ZNF445: variants seen among roughly 807,000 people sequenced by gnomAD.
The protein encoded by ZNF445 is zinc finger protein 445, also known as zinc finger protein 168.
In ZNF445, 19 loss-of-function variants were observed where a neutral mutation model predicts 93.9. That is an observed-to-expected ratio of 0.20 (90% confidence interval 0.14 to 0.30). The LOEUF (loss-of-function observed/expected upper bound fraction) is 0.30. Ranked by LOEUF, ZNF445 falls within the 10% of genes least tolerant of loss-of-function variation. ZNF445 has a pLI of 1.00. For synonymous variants in ZNF445, 449 were observed against 446.3 expected, an observed-to-expected ratio of 1.01 and a Z score of -0.08; for missense variants, 1,058 against 1,259.4, an observed-to-expected ratio of 0.84 and a Z score of 2.42.
chr3:44,441,227 T>G lies in ZNF445; in HGVS notation c.*5348A>C, dbSNP rs1348747943. 1 of 152,258 alleles carries G rather than the reference T, an allele frequency of 6.6e-6. No individual in the cohort carries two copies. Among genetic ancestry groups the G allele is most frequent in the Non-Finnish European group, 1.5e-5 (1 of 68,064 alleles). The allele number at this position is 152,258 out of a possible 1,614,324, so 9.4% of individuals were successfully genotyped here. On this transcript the variant is annotated 3_prime_UTR_variant, in exon 8 of 8. Transcript: ENST00000396077. Reference sequence around the variant, plus strand: ...CGTGCCAGGCCTGCCATGGCGTTTGTAAACTGTCATGGCACTGGTGGGAGT... The same window carrying G: ...CGTGCCAGGCCTGCCATGGCGTTTGGAAACTGTCATGGCACTGGTGGGAGT...
Position 44,434,699 on chromosome 3 carries a change from A to C in ZNF445, c.*11876T>G, listed in dbSNP as rs1447269633. 6.6e-6 allele frequency: 1 copy of C among 152,190 alleles called. No individual in the cohort carries two copies. The highest frequency in any genetic ancestry group is 1.5e-5 in the Non-Finnish European group (1 of 68,042). The allele number at this position is 152,190 out of a possible 1,614,324, so 9.4% of individuals were successfully genotyped here. A position where few individuals can be genotyped will look rare whatever the true frequency, so the allele number is the denominator to read the frequency against. ...GGTGAAGGTGTATCTAGCTGAAAGC[A>C]AACTGTTCCTGATGGTCTTTACTCA... On this transcript the variant is annotated 3_prime_UTR_variant, in exon 8 of 8. Transcript: ENST00000396077.
At chr3:44,465,636 G>T (rs993511709) in intron 1 of ZNF445, among the ~76,000 whole-genome samples, 31 of 152,308 alleles carry the variant, frequency 2.0e-4, no homozygotes, top group African/African-American at 7.0e-4. Flanking sequence ...CTTTAGGCTG[G>T]GAGTGGTGGC....
chr3:44,443,353 G>A lies in ZNF445; in HGVS notation c.*3222C>T, dbSNP rs1697835185. 1 of 152,024 alleles carries A rather than the reference G, an allele frequency of 6.6e-6. No homozygotes were observed. Among genetic ancestry groups the A allele is most frequent in the Non-Finnish European group, 1.5e-5 (1 of 68,018 alleles). The allele number at this position is 152,024 out of a possible 1,614,324, so 9.4% of individuals were successfully genotyped here. A position where few individuals can be genotyped will look rare whatever the true frequency, so the allele number is the denominator to read the frequency against. On this transcript the variant is annotated 3_prime_UTR_variant, in exon 8 of 8. Coordinates refer to ENST00000396077, the MANE Select transcript of ZNF445 (RefSeq NM_181489.6). The stretch of plus-strand genomic sequence containing the variant: ...AGTACTTATAGAACTAAAATTATTT[G>A]AAAACTCAGGTTATTGGACAAATAG...
chr3:44,468,120 C>A (rs542061290), intron 1 of ZNF445, among the ~76,000 whole-genome samples: 44 of 152,336 alleles, frequency 2.9e-4, no homozygotes, highest in Non-Finnish European at 5.6e-4. Flanking sequence ...CAAAGCAGTT[C>A]CACTCTTCTC....
Position 44,455,055 on chromosome 3 carries a change from T to A in ZNF445, c.429+66A>T, listed in dbSNP as rs1425334112. The stretch of plus-strand genomic sequence containing the variant: ...TTGACAGTTTAGAGGGCCACCCCCA[T>A]CCCCAGACAAGCTGGCTCACTAGCA... On this transcript the variant is annotated intron_variant, in intron 3 of 7. Coordinates refer to ENST00000396077, the MANE Select transcript of ZNF445 (RefSeq NM_181489.6). The A allele has an allele frequency of 6.3e-6, 10 of 1,598,620 alleles. No individual in the cohort carries two copies. The Admixed American group carries it at 1.5e-4, about 24-fold the overall frequency.
chr3:44,447,452 C>T lies in ZNF445; in HGVS notation c.2219G>A (p.Gly740Glu), dbSNP rs1172248787. 1 of 1,614,038 alleles carries T rather than the reference C, an allele frequency of 6.2e-7. No individual in the cohort carries two copies. ...CACTGTGTCCTGACTAAAAGATGGC[C>T]CGCCCTCAGGTTTTCTTTTCATGGC... ...KHAMKRKPEGGPSFSQDTVFQ... is the reference protein window; with the variant it reads ...KHAMKRKPEGEPSFSQDTVFQ... Residue 740 changes from glycine to glutamate, a missense_variant, in exon 8 of 8, where the codon GGG becomes GAG. By Grantham distance (98) the Gly-to-Glu change is moderately conservative (BLOSUM62 -2). Around this residue, in one of 3 missense-constraint regions of ZNF445, gnomAD observed 387 missense variants for 475.7 expected, o/e 0.81. Coordinates refer to ENST00000396077, the MANE Select transcript of ZNF445 (RefSeq NM_181489.6). The surrounding 1 kb of genome is among the most constrained non-coding windows in gnomAD (Gnocchi z 4.7).
intron 1 of ZNF445, among the ~76,000 whole-genome samples, chr3:44,476,722 T>G (rs146271357): frequency 6.6e-6 from 1 of 152,352 alleles, no homozygotes; most frequent in East Asian, 1.9e-4. Context: ...CGCTGCAGGT[T>G]AGAGCTCTGC....
At position 44,434,462 on chromosome 3, in the gene ZNF445, C is replaced by T. The variant is rs1697635311; in HGVS notation, c.*12113G>A. ...TTTGGAAACATTATTTGCCCTTAGCCATGTTGTGGGTTTATTTCCTACACT... is the reference window on the plus strand; with the variant it reads ...TTTGGAAACATTATTTGCCCTTAGCTATGTTGTGGGTTTATTTCCTACACT... On this transcript the variant is annotated 3_prime_UTR_variant, in exon 8 of 8. Coordinates refer to ENST00000396077, the MANE Select transcript of ZNF445 (RefSeq NM_181489.6). 6.6e-6 allele frequency: 1 copy of T among 151,930 alleles called. No individual in the cohort carries two copies. The highest frequency in any genetic ancestry group is 1.5e-5 in the Non-Finnish European group (1 of 68,002). The allele number at this position is 151,930 out of a possible 1,614,324, so 9.4% of individuals were successfully genotyped here.
chr3:44,468,273 C>G (rs1698220342), intron 1 of ZNF445, among the ~76,000 whole-genome samples: 1 of 152,146 alleles, frequency 6.6e-6, no homozygotes, highest in Non-Finnish European at 1.5e-5. Context: ...ACTGTCATTG[C>G]AAAATTATGA....
chr3:44,462,109 T>C (rs1272798896), intron 1 of ZNF445, among the ~76,000 whole-genome samples: 1 of 152,162 alleles, frequency 6.6e-6, no homozygotes, highest in Non-Finnish European at 1.5e-5. Flanking sequence ...TGGTGTACTT[T>C]GTGCTAAGAA....
intron 2 of ZNF445, among the ~76,000 whole-genome samples, chr3:44,457,516 C>T (rs1468737275): frequency 1.3e-5 from 2 of 152,164 alleles, no homozygotes; most frequent in African/African-American, 4.8e-5. Flanking sequence ...CCCACATCGG[C>T]CTCCTAAGTA....
Position 44,435,834 on chromosome 3 carries a change from G to A in ZNF445, c.*10741C>T, listed in dbSNP as rs772320221. 6.6e-6 allele frequency: 1 copy of A among 152,080 alleles called. No homozygotes were observed. The highest frequency in any genetic ancestry group is 1.5e-5 in the Non-Finnish European group (1 of 68,026). 9.4% of individuals were successfully genotyped at this position (152,080 alleles called of 1,614,324 possible). ...GAGCCAAAAAGCCCATTGATCACCT[G>A]ACCTCCATACACTCTTACTCTGAGG... On this transcript the variant is annotated 3_prime_UTR_variant, in exon 8 of 8. Coordinates refer to ENST00000396077, the MANE Select transcript of ZNF445 (RefSeq NM_181489.6).
intron 1 of ZNF445, among the ~76,000 whole-genome samples, chr3:44,465,573 T>C (rs530472188): frequency 6.6e-6 from 1 of 152,340 alleles, no homozygotes; most frequent in African/African-American, 2.4e-5. Context: ...AATCTTACCT[T>C]ATGGTTAAAC....
In ZNF445 at chr3:44,444,578, A is replaced by G. The variant is rs1697855300; in HGVS notation, c.*1997T>C. The stretch of plus-strand genomic sequence containing the variant: ...GCCAGTTTTGGGACAGTGAAGGGAC[A>G]TCTTCAGTGCCATGAACAGCTGCTG... On this transcript the variant is annotated 3_prime_UTR_variant, in exon 8 of 8. Coordinates refer to ENST00000396077, the MANE Select transcript of ZNF445 (RefSeq NM_181489.6). 1 of 152,282 alleles carries G rather than the reference A, an allele frequency of 6.6e-6. No homozygotes were observed. Among genetic ancestry groups the G allele is most frequent in the Non-Finnish European group, 1.5e-5 (1 of 68,100 alleles). The allele number at this position is 152,282 out of a possible 1,614,324, so 9.4% of individuals were successfully genotyped here. A position where few individuals can be genotyped will look rare whatever the true frequency, so the allele number is the denominator to read the frequency against.
intron 2 of ZNF445, 30 bp from the exon 3 acceptor site, chr3:44,455,726 C>A: frequency 1.6e-6 from 1 of 608,004 alleles, no homozygotes; most frequent in Non-Finnish European, 2.8e-6. Flanking sequence ...AGAATAATGT[C>A]CATTATACAT....
At chr3:44,451,536 T>C (rs1697957810) in intron 3 of ZNF445, 54 bp from the exon 4 acceptor site, 3 of 1,566,334 alleles carry the variant, frequency 1.9e-6, no homozygotes, top group African/African-American at 1.4e-5. Flanking sequence ...GAAAGCAAAC[T>C]CAGAGAAGAG....
chr3:44,470,209 C>T (rs1209656062), intron 1 of ZNF445, among the ~76,000 whole-genome samples: 1 of 152,206 alleles, frequency 6.6e-6, no homozygotes, highest in African/African-American at 2.4e-5. Flanking sequence ...AGGCATGAGC[C>T]ACAATGCCTG....
intron 1 of ZNF445, among the ~76,000 whole-genome samples, chr3:44,462,761 G>C (rs558416091): frequency 1.3e-5 from 2 of 152,094 alleles, no homozygotes; most frequent in Non-Finnish European, 1.5e-5. Flanking sequence ...AGTGAAAACT[G>C]ATTAATTTCA....
chr3:44,473,108 T>C (rs1372770742), intron 1 of ZNF445, among the ~76,000 whole-genome samples: 3 of 152,128 alleles, frequency 2.0e-5, no homozygotes, highest in African/African-American at 7.2e-5. Context: ...TGTAAGTGTA[T>C]AGAAGGTATA....
Sources: allele counts gnomAD v4.1 joint callset (sites outside exome capture counted in the v4.1 genomes callset), GRCh38; gene constraint gnomAD v4.1.1; regional missense constraint gnomAD v4.1.1; non-coding constraint Gnocchi (gnomAD v3.1); transcripts MANE v1.5; gene names NCBI Gene and HGNC (gene_info 2026-07-23, HGNC 2026-07-21).